FAT3: variants seen among roughly 807,000 people sequenced by gnomAD.
FAT3 encodes protocadherin Fat 3.
Under a neutral mutation model 310.2 loss-of-function variants are expected in FAT3, and 95 were observed. That is an observed-to-expected ratio of 0.31 (90% confidence interval 0.26 to 0.36). FAT3 has a LOEUF of 0.36. Among genes scored for constraint, FAT3 ranks in the 10% least tolerant of loss-of-function variants. The probability of loss-of-function intolerance (pLI) is 1.00; values close to 1 mark genes in which losing one functional copy is unlikely to be tolerated. For missense variants in FAT3, 5,408 were observed against 5,715.6 expected, an observed-to-expected ratio of 0.95 and a Z score of 1.74; for synonymous variants, 2,314 against 2,192.9, an observed-to-expected ratio of 1.06 and a Z score of -1.54.
Position 92,883,676 on chromosome 11 carries a change from A to C in FAT3, c.12937+283A>C, listed in dbSNP as rs1198097608. 1.3e-5 allele frequency among the ~76,000 whole-genome samples: 2 copies of C among 152,158 alleles called. No homozygotes were observed. Among genetic ancestry groups the C allele is most frequent in the African/African-American group, 4.8e-5 (2 of 41,430 alleles). On this transcript the variant is annotated intron_variant, in intron 24 of 27. Transcript: ENST00000525166. This position sits in a 1 kb window ranked among gnomAD's most constrained non-coding sequence, Gnocchi z 4.2. Reference sequence around the variant, plus strand: ...CCAACTCAAGTCTTCCAGGCTCCAAAACCCATCCTCTTCTCACAATAGCGG... The same window carrying C: ...CCAACTCAAGTCTTCCAGGCTCCAACACCCATCCTCTTCTCACAATAGCGG...
chr11:92,389,251 C>A (rs1002836292), intron 2 of FAT3, among the ~76,000 whole-genome samples: 1 of 152,096 alleles, frequency 6.6e-6, no homozygotes, highest in Non-Finnish European at 1.5e-5. Context: ...GCTTAAACAA[C>A]AGAAAATGGA....
At chr11:92,554,569 G>A (rs1004420279) in intron 3 of FAT3, among the ~76,000 whole-genome samples, 1 of 150,574 alleles carries the variant, frequency 6.6e-6, no homozygotes, top group African/African-American at 2.4e-5. Flanking sequence ...TAGAAGTAGG[G>A]AGCAACCCCT....
intron 25 of FAT3, among the ~76,000 whole-genome samples, chr11:92,887,440 C>CT (rs1354852665): frequency 2.0e-5 from 3 of 152,166 alleles, no homozygotes; most frequent in Non-Finnish European, 4.4e-5. Context: ...AGAGTAATTT[C>CT]TTTCTTTTTT....
intron 2 of FAT3, among the ~76,000 whole-genome samples, chr11:92,472,183 G>A (rs1951928185): frequency 6.6e-6 from 1 of 151,886 alleles, no homozygotes; most frequent in Admixed American, 6.6e-5. Flanking sequence ...AGCAGTGTGT[G>A]GGTGTATATT....
At chr11:92,827,815 G>T (rs563278876) in intron 13 of FAT3, among the ~76,000 whole-genome samples, 1 of 152,268 alleles carries the variant, frequency 6.6e-6, no homozygotes, top group African/African-American at 2.4e-5. Flanking sequence ...TTGAGCAAAA[G>T]GGATTTTAAT....
At chr11:92,383,487 T>C (rs922052266) in intron 2 of FAT3, among the ~76,000 whole-genome samples, 1 of 152,206 alleles carries the variant, frequency 6.6e-6, no homozygotes, top group Non-Finnish European at 1.5e-5. Context: ...ACAGTGTATT[T>C]GTTTTCCCTC....
At chr11:92,366,638 T>C (rs776001646) in intron 2 of FAT3, 2 of 534,250 alleles carry the variant, frequency 3.7e-6, no homozygotes, top group Admixed American at 1.9e-5. Context: ...TTCAGCTCCA[T>C]GATAGCCTCT....
chr11:92,265,614 G>T (rs986346037), intron 1 of FAT3, among the ~76,000 whole-genome samples: 9 of 152,016 alleles, frequency 5.9e-5, no homozygotes, highest in Admixed American at 5.3e-4. Context: ...AACTAAGTAG[G>T]CTATAAATAA....
intron 4 of FAT3, chr11:92,748,917 T>C (rs1945748022): frequency 6.6e-6 from 1 of 152,204 alleles, no homozygotes; most frequent in East Asian, 1.9e-4. Context: ...TTACTGTTTG[T>C]GTATACTTTT....
At chr11:92,599,029 A>G (rs567445862) in intron 3 of FAT3, among the ~76,000 whole-genome samples, 1 of 152,252 alleles carries the variant, frequency 6.6e-6, no homozygotes, top group East Asian at 1.9e-4. Context: ...TTCTGAGAAT[A>G]CAGCCTGTCT....
intron 2 of FAT3, among the ~76,000 whole-genome samples, chr11:92,434,559 A>G (rs1950882992): frequency 6.6e-6 from 1 of 152,112 alleles, no homozygotes; most frequent in African/African-American, 2.4e-5. Context: ...CCTGCACCTG[A>G]CATTTTCCAG....
chr11:92,373,927 G>C (rs1231857219), intron 2 of FAT3, among the ~76,000 whole-genome samples: 1 of 151,898 alleles, frequency 6.6e-6, no homozygotes, highest in African/African-American at 2.4e-5. Flanking sequence ...GAGAAGGAGG[G>C]ATGCCGGTAG....
At chr11:92,591,726 A>C (rs1448814028) in intron 3 of FAT3, among the ~76,000 whole-genome samples, 1 of 152,198 alleles carries the variant, frequency 6.6e-6, no homozygotes, top group Non-Finnish European at 1.5e-5. Flanking sequence ...TTTTACTCCC[A>C]AAAAGGCATA....
intron 2 of FAT3, among the ~76,000 whole-genome samples, chr11:92,433,644 C>T (rs547501110): frequency 6.6e-6 from 1 of 152,274 alleles, no homozygotes; most frequent in East Asian, 1.9e-4. Flanking sequence ...GCATTGGTCT[C>T]ACCGGGAGCT....
Position 92,882,788 on chromosome 11 carries a change from G to A in FAT3, c.12332G>A (p.Gly4111Asp), listed in dbSNP as rs2136408272. The A allele has an allele frequency of 1.9e-6, 3 of 1,611,798 alleles. No homozygotes were observed. Among genetic ancestry groups the A allele is most frequent in the Non-Finnish European group, 2.5e-6 (3 of 1,179,068 alleles). Residue 4111 changes from glycine to aspartate, a missense_variant, in exon 24 of 28, where the codon GGC (glycine) becomes GAC (aspartate). This residue lies in a region of FAT3 where 649 missense variants were observed against 666.2 expected (regional missense o/e 0.97). Coordinates refer to ENST00000525166, the MANE Select transcript of FAT3 (RefSeq NM_001367949.2). ...ECEREECENG[G>D]SCVNVFGSFL... ...GAACGAGAGGAGTGTGAGAACGGAG[G>A]CTCCTGCGTGAACGTGTTCGGCTCC...
intron 7 of FAT3, among the ~76,000 whole-genome samples, chr11:92,789,153 T>C (rs2136153145): frequency 6.6e-6 from 1 of 152,274 alleles, no homozygotes; most frequent in East Asian, 1.9e-4. Flanking sequence ...TTTGTGTTTA[T>C]TCTAAGAGTT....
At chr11:92,661,800 T>A (rs185261579) in intron 3 of FAT3, among the ~76,000 whole-genome samples, 1 of 152,252 alleles carries the variant, frequency 6.6e-6, no homozygotes, top group Non-Finnish European at 1.5e-5. Context: ...TCTAATTTTT[T>A]CCTAATATAA....
chr11:92,440,391 C>T (rs1951039618), intron 2 of FAT3, among the ~76,000 whole-genome samples: 1 of 152,170 alleles, frequency 6.6e-6, no homozygotes, highest in African/African-American at 2.4e-5. Context: ...TTTATCCCAA[C>T]CAAGGGGCAA....
intron 2 of FAT3, among the ~76,000 whole-genome samples, chr11:92,401,596 T>C (rs947811824): frequency 1.3e-5 from 2 of 152,134 alleles, no homozygotes; most frequent in Non-Finnish European, 2.9e-5. Context: ...ATTCACACCC[T>C]TGAAACACAG....
Sources: gnomAD v4.1 joint callset for allele counts (sites outside exome capture counted in the v4.1 genomes callset) on GRCh38, gnomAD v4.1.1 for gene constraint, gnomAD v4.1.1 regional missense constraint, Gnocchi (gnomAD v3.1) non-coding constraint, MANE v1.5 for transcripts, NCBI Gene and HGNC (gene_info 2026-07-23, HGNC 2026-07-21) for gene names.